The following C2CD3 variants were observed in gnomAD, a reference collection of about 807,000 sequenced individuals.
The protein encoded by C2CD3 is C2 domain-containing protein 3.
C2CD3 carries 148 observed loss-of-function variants against 234.0 expected under a neutral mutation model. The observed-to-expected ratio is 0.63, with a 90% CI of 0.55 to 0.72. C2CD3 has a LOEUF of 0.72. C2CD3 is among the 30% of genes least tolerant of loss of function. C2CD3 has a pLI of 0.00. For missense variants in C2CD3, 2,577 were observed against 2,811.5 expected (o/e 0.92, Z 1.89); for synonymous variants, 1,000 against 1,035.4 (o/e 0.97, Z 0.66).
At chr11:74,086,125 A>G (rs1304425311) in intron 20 of C2CD3, among the ~76,000 whole-genome samples, 1 of 152,160 alleles carries the variant, frequency 6.6e-6, no homozygotes, top group Non-Finnish European at 1.5e-5. Context: ...TCTGAGGATG[A>G]CCCACTGTCC....
rs763593697 is a variant in C2CD3, at chr11:74,138,733, C to T, written c.942G>A (p.Lys314=). Residue 314 remains lysine, a synonymous_variant, in exon 5 of 33, where the codon AAG becomes AAA. Coordinates refer to ENST00000334126, the MANE Select transcript of C2CD3 (RefSeq NM_001286577.2). The stretch of plus-strand genomic sequence containing the variant: ...ATACATACATACCTGAAAGAAGATC[C>T]TTGGTAGGGAGGTTGTTTGAAGAAA... ...CILSSNNLPT[K]DLLSALLEQG... is the part of the protein sequence containing the mutation. The T allele has an allele frequency of 6.2e-7, 1 of 1,612,664 alleles. No individual in the cohort carries two copies. Among genetic ancestry groups the T allele is most frequent in the Non-Finnish European group, 8.5e-7 (1 of 1,178,732 alleles).
At position 74,047,626 on chromosome 11, in the gene C2CD3, G is replaced by A. The variant is rs553671881; in HGVS notation, c.5495+579C>T. ...AGTAACTGCTCTTGTAGGAAGGGCT[G>A]CTGTAGGGCAAGATTCCTTGCCCTT... On this transcript the variant is annotated intron_variant, in intron 28 of 32. Coordinates refer to ENST00000334126, the MANE Select transcript of C2CD3 (RefSeq NM_001286577.2). Among the ~76,000 whole-genome samples the A allele has an allele frequency of 5.3e-4, 81 of 152,332 alleles. 1 individual carries two copies. Among genetic ancestry groups the A allele is most frequent in the African/African-American group, 1.9e-3 (80 of 41,580 alleles).
chr11:74,045,841 G>C (rs567576438), intron 28 of C2CD3, among the ~76,000 whole-genome samples: 2 of 152,126 alleles, frequency 1.3e-5, no homozygotes, highest in South Asian at 4.2e-4. Context: ...CCAAAGTGCT[G>C]GAATTACAGG....
chr11:74,077,972 A>T (rs1239854208), intron 23 of C2CD3, 143 bp downstream of exon 23: 1 of 969,468 alleles, frequency 1.0e-6, no homozygotes, highest in South Asian at 1.9e-5. Flanking sequence ...CTCCTTTTTT[A>T]TGAATGTAAA....
intron 7 of C2CD3, among the ~76,000 whole-genome samples, chr11:74,127,824 C>T (rs1396424892): frequency 6.6e-6 from 1 of 151,646 alleles, no homozygotes; most frequent in African/African-American, 2.4e-5. Flanking sequence ...TCTTGATTTC[C>T]CGATAACAAA....
chr11:74,166,349 A>G (rs1856811893), intron 2 of C2CD3, among the ~76,000 whole-genome samples: 1 of 151,234 alleles, frequency 6.6e-6, no homozygotes, highest in Non-Finnish European at 1.5e-5. Flanking sequence ...TGTCATGTCT[A>G]CAGTTGGACT....
intron 3 of C2CD3, among the ~76,000 whole-genome samples, chr11:74,160,567 G>C (rs748716812): frequency 1.3e-5 from 2 of 152,106 alleles, no homozygotes; most frequent in Non-Finnish European, 2.9e-5. Context: ...GAGCAGAATA[G>C]TAGTTAACAA....
chr11:74,094,079 T>C, intron 17 of C2CD3, 80 bp from the exon 18 acceptor site: 2 of 1,141,040 alleles, frequency 1.8e-6, no homozygotes, highest in Non-Finnish European at 2.5e-6. Context: ...TTCCAGTGAA[T>C]ATTACTTAGT....
At chr11:74,040,451 G>T (rs563403870) in intron 29 of C2CD3, among the ~76,000 whole-genome samples, 2 of 151,880 alleles carry the variant, frequency 1.3e-5, no homozygotes, top group Non-Finnish European at 2.9e-5. Context: ...ATGAATCAAA[G>T]AATAGGTTAG....
intron 17 of C2CD3, among the ~76,000 whole-genome samples, chr11:74,094,512 G>A (rs902358939): frequency 1.3e-5 from 2 of 152,118 alleles, no homozygotes; most frequent in South Asian, 2.1e-4. Flanking sequence ...CAAAAAGTTC[G>A]AGTCACCTGG....
At position 74,013,649 on chromosome 11, in the gene C2CD3, C is replaced by T. The variant is rs140656636; in HGVS notation, c.6922-124G>A. 102 of 519,648 alleles carry T rather than the reference C, an allele frequency of 2.0e-4. No homozygotes were observed. In the Middle Eastern group the frequency reaches 5.4e-3, roughly 27 times the overall value. The allele number at this position is 519,648 out of a possible 1,614,324, so 32.2% of individuals were successfully genotyped here. Reference sequence around the variant, plus strand: ...ATGTAGAGCTGCCTGGTTTACAAAGCGCTTTACGTACCTTATCTTGCTTGA... The same window carrying T: ...ATGTAGAGCTGCCTGGTTTACAAAGTGCTTTACGTACCTTATCTTGCTTGA... On this transcript the variant is annotated intron_variant, in intron 32 of 32. Transcript: ENST00000334126.
At chr11:74,116,897 T>TAC (rs1433382048) in intron 9 of C2CD3, among the ~76,000 whole-genome samples, 2 of 119,502 alleles carry the variant, frequency 1.7e-5, no homozygotes, top group East Asian at 3.0e-4. Flanking sequence ...CGTGTATATA[T>TAC]ACACACGTGT....
intron 11 of C2CD3, 57 bp downstream of exon 11, chr11:74,113,723 C>G (rs759480725): frequency 1.2e-6 from 1 of 838,000 alleles, no homozygotes; most frequent in South Asian, 1.4e-5. Flanking sequence ...ATTAGGAATT[C>G]AAAAATTCTT....
chr11:74,036,166 C>T, intron 30 of C2CD3: 1 of 262,606 alleles, frequency 3.8e-6, no homozygotes, highest in Non-Finnish European at 7.7e-6. Flanking sequence ...GGCCACAATT[C>T]CCTTCTCTCT....
In C2CD3 at chr11:74,040,386, ACTT is replaced by A. The variant is rs1952975943; in HGVS notation, c.5660+1665_5660+1667del. Among the ~76,000 whole-genome samples the A allele has an allele frequency of 2.0e-5, 3 of 152,030 alleles. No individual in the cohort carries two copies. In the East Asian group the frequency reaches 5.8e-4, roughly 29 times the overall value. The stretch of plus-strand genomic sequence containing the variant: ...CTATAGCACTATTGATCAATTTTTA[ACTT>A]GTCTCATTAACCAAAAAGATTTTGT... On this transcript the variant is annotated intron_variant, in intron 29 of 32. Transcript: ENST00000334126.
chr11:74,036,463 T>C (rs1274489941), intron 30 of C2CD3: 4 of 455,960 alleles, frequency 8.8e-6, no homozygotes, highest in East Asian at 6.9e-5. Context: ...TCTGAGGCCA[T>C]GGATACCAAC....
chr11:74,153,184 G>C (rs116102493), intron 3 of C2CD3, among the ~76,000 whole-genome samples: 1,827 of 151,806 alleles, frequency 0.012, 37 homozygotes, highest in African/African-American at 0.042. Flanking sequence ...TGCCAGCCTG[G>C]GTGACAGAGT....
At chr11:74,025,547 C>G (rs1726756) in intron 32 of C2CD3, among the ~76,000 whole-genome samples, 6,647 of 152,166 alleles carry the variant, frequency 0.044, 476 homozygotes, top group African/African-American at 0.15. Flanking sequence ...AAAGCAGGAA[C>G]AGCAATTCTG....
At chr11:74,013,690 C>G (rs1000225552) in intron 32 of C2CD3, among the ~76,000 whole-genome samples, 165 bp from the exon 33 acceptor site, 2 of 152,198 alleles carry the variant, frequency 1.3e-5, no homozygotes, top group African/African-American at 4.8e-5. Flanking sequence ...ACCTCAACCC[C>G]ATATGGGGGG....
Sources: allele counts gnomAD v4.1 joint callset (sites outside exome capture counted in the v4.1 genomes callset), GRCh38; gene constraint gnomAD v4.1.1; transcripts MANE v1.5; gene names NCBI Gene and HGNC (gene_info 2026-07-23, HGNC 2026-07-21).